The following DHX57 variants were observed in gnomAD, a reference collection of about 807,000 sequenced individuals.
DHX57 encodes DExH-box helicase 57.
Under a neutral mutation model 156.2 loss-of-function variants are expected in DHX57, and 105 were observed. The ratio of observed to expected loss-of-function variants is 0.67; its 90% CI spans 0.57 to 0.79. The LOEUF is 0.79. DHX57 is among the 30% of genes least tolerant of loss of function. The pLI, the probability that DHX57 is intolerant of heterozygous loss-of-function variation, is 0.00. For synonymous variants in DHX57, 704 were observed against 595.6 expected, an observed-to-expected ratio of 1.18 and a Z score of -2.65; for missense variants, 1,847 against 1,661.9, an observed-to-expected ratio of 1.11 and a Z score of -1.94.
intron 5 of DHX57, among the ~76,000 whole-genome samples, chr2:38,859,117 AAAC>A (rs1673055967): frequency 1.3e-5 from 2 of 152,256 alleles, no homozygotes; most frequent in African/African-American, 2.4e-5. Flanking sequence ...CCACAACGTA[AAAC>A]AACACAAATA....
rs73930365 is a variant in DHX57, at chr2:38,811,344, C to T, written c.3681+2477G>A. 5.4e-3 allele frequency: 2,848 copies of T among 524,240 alleles called. 75 individuals are homozygous for T. The highest frequency in any genetic ancestry group is 0.05 in the African/African-American group (2,619 of 52,370). 32.5% of individuals were successfully genotyped at this position (524,240 alleles called of 1,614,324 possible). On this transcript the variant is annotated intron_variant, in intron 21 of 23. Coordinates refer to ENST00000457308, the MANE Select transcript of DHX57 (RefSeq NM_198963.3). Reference sequence around the variant, plus strand: ...ATGGCACTGTGGGACACATACTTTGCCCCCTCCCACTGAGCAATTTCCACT... The same window carrying T: ...ATGGCACTGTGGGACACATACTTTGTCCCCTCCCACTGAGCAATTTCCACT...
intron 9 of DHX57, among the ~76,000 whole-genome samples, chr2:38,849,246 T>C (rs2124896903): frequency 6.6e-6 from 1 of 152,276 alleles, no homozygotes; most frequent in East Asian, 1.9e-4. Flanking sequence ...AAGGTAGAGC[T>C]CTAGAAAATA....
At position 38,823,243 on chromosome 2, in the gene DHX57, G is replaced by A. The variant is rs1241191887; in HGVS notation, c.3041C>T (p.Ala1014Val). Residue 1014 changes from alanine to valine, a missense_variant, in exon 17 of 24, where the codon GCT (alanine) becomes GTT (valine). Transcript: ENST00000457308. ...AGAGAACACAGACTGGAGATTATGA[G>A]CACTAAACATCTCTAAAATTTTAAT... ...LRIKILEMFS[A>V]HNLQSVFSRL... The A allele has an allele frequency of 3.7e-6, 6 of 1,613,562 alleles. No individual in the cohort carries two copies. The highest frequency in any genetic ancestry group is 5.1e-6 in the Non-Finnish European group (6 of 1,179,734).
chr2:38,843,526 G>C (rs1672120650), intron 11 of DHX57, among the ~76,000 whole-genome samples: 1 of 152,146 alleles, frequency 6.6e-6, no homozygotes, highest in Non-Finnish European at 1.5e-5. Context: ...TTTTTCTTCA[G>C]CAATCTTATT....
chr2:38,843,261 G>C, intron 11 of DHX57, 51 bp from the exon 12 acceptor site: 2 of 1,583,158 alleles, frequency 1.3e-6, no homozygotes, highest in Non-Finnish European at 1.7e-6. Flanking sequence ...TGTTGGTGAG[G>C]AGGGAAAGAA....
intron 1 of DHX57, among the ~76,000 whole-genome samples, chr2:38,870,001 A>G (rs1665278474): frequency 6.6e-6 from 1 of 152,148 alleles, no homozygotes; most frequent in African/African-American, 2.4e-5. Context: ...CAATAAAGAG[A>G]TAAAAAATTA....
At chr2:38,859,607 G>A (rs1673082272) in intron 5 of DHX57, among the ~76,000 whole-genome samples, 1 of 152,040 alleles carries the variant, frequency 6.6e-6, no homozygotes, top group Non-Finnish European at 1.5e-5. Context: ...CATTTCCCAA[G>A]GAACACATTT....
intron 21 of DHX57, among the ~76,000 whole-genome samples, chr2:38,807,533 A>G (rs1670015159): frequency 1.3e-5 from 2 of 149,368 alleles, no homozygotes; most frequent in Admixed American, 6.7e-5. Flanking sequence ...AATTTTTTGT[A>G]TTTTTAGTAG....
At chr2:38,835,982 G>A (rs1671634970) in intron 13 of DHX57, among the ~76,000 whole-genome samples, 1 of 152,216 alleles carries the variant, frequency 6.6e-6, no homozygotes, top group South Asian at 2.1e-4. Context: ...AAGATGACTT[G>A]ATGGAGATGA....
At chr2:38,852,430 A>G (rs1354961746) in intron 9 of DHX57, among the ~76,000 whole-genome samples, 1 of 150,134 alleles carries the variant, frequency 6.7e-6, no homozygotes, top group Non-Finnish European at 1.5e-5. Flanking sequence ...CTTCTTCTCA[A>G]GATATTTATT....
chr2:38,800,053 C>T (rs1450301547), intron 23 of DHX57, among the ~76,000 whole-genome samples: 10 of 151,764 alleles, frequency 6.6e-5, no homozygotes, highest in Admixed American at 5.9e-4. Context: ...CGGGTGGTGG[C>T]GTATGCCTGT....
At chr2:38,863,299 GACCTTCAC>G (rs1673332683) in intron 3 of DHX57, 54 bp downstream of exon 3, 2 of 1,526,196 alleles carry the variant, frequency 1.3e-6, no homozygotes, top group African/African-American at 1.4e-5. Flanking sequence ...AGATGCACAG[GACCTTCAC>G]ACTGCCAGTA....
At chr2:38,860,975 C>A (rs1174787331) in intron 5 of DHX57, 24 bp downstream of exon 5, 1 of 1,593,196 alleles carries the variant, frequency 6.3e-7, no homozygotes, top group Admixed American at 1.7e-5. Flanking sequence ...ATGCCTCCCT[C>A]CACAAGATCA....
chr2:38,848,904 G>A (rs1449345314), intron 9 of DHX57, among the ~76,000 whole-genome samples: 7 of 152,248 alleles, frequency 4.6e-5, no homozygotes, highest in African/African-American at 1.7e-4. Flanking sequence ...CTGATTTTTG[G>A]ATTAGGGATG....
At chr2:38,808,578 T>G (rs1386236644) in intron 21 of DHX57, among the ~76,000 whole-genome samples, 1 of 152,134 alleles carries the variant, frequency 6.6e-6, no homozygotes, top group Non-Finnish European at 1.5e-5. Flanking sequence ...AAATATAAAG[T>G]GCTGAAATGA....
At position 38,802,584 on chromosome 2, in the gene DHX57, G is replaced by A. The variant is rs530467643; in HGVS notation, c.4017+131C>T. The A allele has an allele frequency of 2.7e-5, 31 of 1,164,598 alleles. No individual in the cohort carries two copies. In the South Asian group the frequency reaches 3.2e-4, roughly 12 times the overall value. The allele number at this position is 1,164,598 out of a possible 1,614,324, so 72.1% of individuals were successfully genotyped here. Reference sequence around the variant, plus strand: ...ATTATAGGTGTGAGCCACTGGGCTCGGCCACCGTCATTCATTTTTAATTAG... The same window carrying A: ...ATTATAGGTGTGAGCCACTGGGCTCAGCCACCGTCATTCATTTTTAATTAG... On this transcript the variant is annotated intron_variant, in intron 23 of 23. Transcript: ENST00000457308.
At position 38,847,041 on chromosome 2, in the gene DHX57, C is replaced by T. The variant is rs778898367; in HGVS notation, c.2197G>A (p.Glu733Lys). 22 of 1,612,660 alleles carry T rather than the reference C, an allele frequency of 1.4e-5. No individual in the cohort carries two copies. The highest frequency in any genetic ancestry group is 5.9e-6 in the Non-Finnish European group (7 of 1,179,472). ...TACCTTGTCACAGCAATTGCATCTT[C>T]CAAAAAAAATTGATCAACAGGAAAT... ...RTFPVDQFFL[E>K]DAIAVTRYVL... is the part of the protein sequence containing the mutation. Residue 733 changes from glutamate to lysine, a missense_variant, in exon 11 of 24, where the codon GAA (glutamate) becomes AAA (lysine). Physicochemically the swap from Glu to Lys is moderately conservative, Grantham distance 56 (BLOSUM62 1). Transcript: ENST00000457308.
At chr2:38,805,919 T>A (rs1286763370) in intron 22 of DHX57, among the ~76,000 whole-genome samples, 2 of 151,842 alleles carry the variant, frequency 1.3e-5, no homozygotes, top group African/African-American at 2.4e-5. Context: ...GAAGAGGGCA[T>A]GATGGTGAGA....
intron 21 of DHX57, chr2:38,811,035 C>T: frequency 1.5e-6 from 1 of 676,618 alleles, no homozygotes; most frequent in Non-Finnish European, 2.7e-6. Context: ...GGGGCTTTGG[C>T]CAGGTCCTGA....
Sources: allele counts gnomAD v4.1 joint callset (sites outside exome capture counted in the v4.1 genomes callset), GRCh38; gene constraint gnomAD v4.1.1; transcripts MANE v1.5; gene names NCBI Gene and HGNC (gene_info 2026-07-23, HGNC 2026-07-21).